RRAGD: variants seen among roughly 807,000 people sequenced by gnomAD.
The protein encoded by RRAGD is Ras related GTP binding D, also known as ras-related GTP-binding protein D.
RRAGD carries 12 observed loss-of-function variants against 35.5 expected under a neutral mutation model. The ratio of observed to expected loss-of-function variants is 0.34; its 90% CI spans 0.22 to 0.55. The LOEUF is 0.55. Among genes scored for constraint, RRAGD ranks in the 20% least tolerant of loss-of-function variants. The pLI, the probability that RRAGD is intolerant of heterozygous loss-of-function variation, is 0.91. For synonymous variants in RRAGD, 155 were observed against 178.9 expected, an observed-to-expected ratio of 0.87 and a Z score of 1.07; for missense variants, 324 against 490.1, an observed-to-expected ratio of 0.66 and a Z score of 3.20.
At chr6:89,379,488 T>C (rs1582507957) in intron 3 of RRAGD, 150 bp from the exon 4 acceptor site, 1 of 409,528 alleles carries the variant, frequency 2.4e-6, no homozygotes, top group Non-Finnish European at 4.4e-6. Flanking sequence ...GTGACCTCGG[T>C]AAAAAACAAG....
intron 2 of RRAGD, 92 bp from the exon 3 acceptor site, chr6:89,380,459 C>G: frequency 9.3e-7 from 1 of 1,076,370 alleles, no homozygotes; most frequent in East Asian, 2.6e-5. Context: ...GTGGCTGCAA[C>G]CCCCCGAAAT....
At chr6:89,381,587 T>A (rs887013175) in intron 2 of RRAGD, among the ~76,000 whole-genome samples, 13 of 152,208 alleles carry the variant, frequency 8.5e-5, no homozygotes, top group African/African-American at 3.1e-4. Context: ...AAACATCACA[T>A]ATAATTCATT....
intron 2 of RRAGD, among the ~76,000 whole-genome samples, chr6:89,384,961 G>T (rs1310553146): frequency 2.6e-5 from 4 of 152,038 alleles, no homozygotes; most frequent in Non-Finnish European, 5.9e-5. Context: ...GGTTGAAACA[G>T]TAGGATCACT....
At chr6:89,393,901 T>C (rs965447663) in intron 1 of RRAGD, among the ~76,000 whole-genome samples, 1 of 152,076 alleles carries the variant, frequency 6.6e-6, no homozygotes, top group African/African-American at 2.4e-5. Flanking sequence ...ATCTTGGCAA[T>C]AAAAATGTAT....
In RRAGD at chr6:89,408,885, G is replaced by A. The variant is rs578064922; in HGVS notation, c.148+2961C>T. ...TATTTTTGGTGCAATTGTTTTTAAC[G>A]GCCTAACCATTCCCTCCTCTCTGGT... is the stretch of plus-strand genomic sequence containing the variant. On this transcript the variant is annotated intron_variant, in intron 1 of 6. Coordinates refer to ENST00000369415, the MANE Select transcript of RRAGD (RefSeq NM_021244.5). Among the ~76,000 whole-genome samples the A allele has an allele frequency of 5.3e-4, 80 of 152,074 alleles. 1 individual carries two copies. The highest frequency in any genetic ancestry group is 1.9e-3 in the African/African-American group (78 of 41,466).
rs530835764 is a variant in RRAGD at position 89,410,503 on chromosome 6, GTGGCC to G, written c.148+1338_148+1342del. Among the ~76,000 whole-genome samples the G allele has an allele frequency of 1.8e-4, 27 of 152,338 alleles. No homozygotes were observed. The South Asian group carries it at 5.4e-3, about 30-fold the overall frequency. On this transcript the variant is annotated intron_variant, in intron 1 of 6. Transcript: ENST00000369415. Reference sequence around the variant, plus strand: ...GCTGAAAGCCTTTATCTACAAAAATGTGGCCTGGTGCTCAACGGTAAGACCAATTA... The same window carrying G: ...GCTGAAAGCCTTTATCTACAAAAATGTGGTGCTCAACGGTAAGACCAATTA...
At chr6:89,410,977 A>C (rs1312465732) in intron 1 of RRAGD, among the ~76,000 whole-genome samples, 1 of 152,190 alleles carries the variant, frequency 6.6e-6, no homozygotes, top group African/African-American at 2.4e-5. Flanking sequence ...CAGTAAAGGA[A>C]CTTTTGCTCG....
In RRAGD at chr6:89,366,837, C is replaced by A. The variant is rs1768758965; in HGVS notation, c.*1219G>T. 1 of 152,162 alleles carries A rather than the reference C, an allele frequency of 6.6e-6. No homozygotes were observed. The highest frequency in any genetic ancestry group is 1.5e-5 in the Non-Finnish European group (1 of 68,036). 9.4% of individuals were successfully genotyped at this position (152,162 alleles called of 1,614,324 possible). A position where few individuals can be genotyped will look rare whatever the true frequency, so the allele number is the denominator to read the frequency against. On this transcript the variant is annotated 3_prime_UTR_variant, in exon 7 of 7. Transcript: ENST00000369415. Reference sequence around the variant, plus strand: ...AATGTCTCTCCAGCCATCCTTTTCCCACTGACCTTTAGGGGTCTTCAGGAT... The same window carrying A: ...AATGTCTCTCCAGCCATCCTTTTCCAACTGACCTTTAGGGGTCTTCAGGAT...
chr6:89,367,104 C>T lies in RRAGD; in HGVS notation c.*952G>A, dbSNP rs192115241. 2.6e-5 allele frequency: 4 copies of T among 152,308 alleles called. No individual in the cohort carries two copies. The highest frequency in any genetic ancestry group is 2.0e-4 in the Admixed American group (3 of 15,294). The allele number at this position is 152,308 out of a possible 1,614,324, so 9.4% of individuals were successfully genotyped here. A position where few individuals can be genotyped will look rare whatever the true frequency, so the allele number is the denominator to read the frequency against. ...TTTTAAATGCAGCACACCAGACCATCGCACAGGGCCAAAAGTCCAGAATTG... is the reference window on the plus strand; with the variant it reads ...TTTTAAATGCAGCACACCAGACCATTGCACAGGGCCAAAAGTCCAGAATTG... On this transcript the variant is annotated 3_prime_UTR_variant, in exon 7 of 7. Transcript: ENST00000369415.
At chr6:89,384,100 T>TA (rs766030327) in intron 2 of RRAGD, among the ~76,000 whole-genome samples, 6,116 of 132,078 alleles carry the variant, frequency 0.046, 386 homozygotes, top group African/African-American at 0.15. Context: ...AGACTCCATC[T>TA]AAAAAAAAAA....
At chr6:89,376,535 T>C (rs138609422) in intron 5 of RRAGD, among the ~76,000 whole-genome samples, 87 of 152,258 alleles carry the variant, frequency 5.7e-4, no homozygotes, top group African/African-American at 2.0e-3. Flanking sequence ...TCAGATACAA[T>C]ACAGATAGCA....
chr6:89,368,314 C>T (rs1410360610), intron 6 of RRAGD, 107 bp from the exon 7 acceptor site: 34 of 952,260 alleles, frequency 3.6e-5, no homozygotes, highest in Non-Finnish European at 7.6e-6. Context: ...AGAGGATGGT[C>T]TTAGCGTAAG....
At chr6:89,368,318 G>T (rs1768793096) in intron 6 of RRAGD, 111 bp from the exon 7 acceptor site, 2 of 885,272 alleles carry the variant, frequency 2.3e-6, no homozygotes. Context: ...GATGGTCTTA[G>T]CGTAAGGACC....
At chr6:89,401,353 G>A (rs1769457074) in intron 1 of RRAGD, among the ~76,000 whole-genome samples, 1 of 151,888 alleles carries the variant, frequency 6.6e-6, no homozygotes, top group African/African-American at 2.4e-5. Flanking sequence ...TTCCTCCCAG[G>A]TTCGAGCGAT....
chr6:89,376,302 TG>T (rs1562446115), intron 5 of RRAGD, among the ~76,000 whole-genome samples: 1 of 18,862 alleles, frequency 5.3e-5, no homozygotes, highest in Non-Finnish European at 9.6e-5. Flanking sequence ...GTGTGTGTGG[TG>T]TGTGTGTGTG....
At chr6:89,383,128 A>G (rs1434344988) in intron 2 of RRAGD, among the ~76,000 whole-genome samples, 1 of 152,220 alleles carries the variant, frequency 6.6e-6, no homozygotes, top group Non-Finnish European at 1.5e-5. Context: ...GGGTGGTTAC[A>G]TGGTGTACAC....
intron 1 of RRAGD, among the ~76,000 whole-genome samples, chr6:89,406,338 T>C (rs1040536663): frequency 1.3e-5 from 2 of 152,130 alleles, no homozygotes; most frequent in African/African-American, 4.8e-5. Context: ...GGCCCAAATG[T>C]TGCAAGACCA....
chr6:89,394,859 T>G (rs1359994556), intron 1 of RRAGD, among the ~76,000 whole-genome samples: 2 of 152,214 alleles, frequency 1.3e-5, no homozygotes, highest in Non-Finnish European at 2.9e-5. Context: ...AATTTGGTTT[T>G]AATTTTAAAA....
chr6:89,375,531 G>T (rs1245467742), intron 5 of RRAGD, among the ~76,000 whole-genome samples: 2 of 152,256 alleles, frequency 1.3e-5, no homozygotes, highest in African/African-American at 4.8e-5. Context: ...AGCCTCAGCT[G>T]AGAGATTCCT....
Sources: gnomAD v4.1 joint callset for allele counts (sites outside exome capture counted in the v4.1 genomes callset) on GRCh38, gnomAD v4.1.1 for gene constraint, MANE v1.5 for transcripts, NCBI Gene and HGNC (gene_info 2026-07-23, HGNC 2026-07-21) for gene names.